ATP10B: variants seen among roughly 807,000 people sequenced by gnomAD.
ATP10B encodes the protein phospholipid-transporting ATPase VB.
A neutral mutation model predicts 141.2 loss-of-function variants in ATP10B; 122 were observed. That is an observed-to-expected ratio of 0.86 (90% CI 0.75 to 1.00). ATP10B has a LOEUF of 1.00. Among genes scored for constraint, ATP10B ranks in the 50% least tolerant of loss-of-function variants. ATP10B has a pLI of 0.00. For synonymous variants in ATP10B, 685 were observed against 692.0 expected (o/e 0.99, Z 0.16); for missense variants, 1,876 against 1,825.3 (o/e 1.03, Z -0.51).
At chr5:160,882,556 A>G in the ATP10B span, among the ~76,000 whole-genome samples, 3 of 152,104 alleles carry the variant, frequency 2.0e-5, no homozygotes, top group South Asian at 2.1e-4. Context: ...TGCTGAGATA[A>G]TAAGTGTGGC....
the ATP10B span, among the ~76,000 whole-genome samples, chr5:160,860,553 G>C: frequency 6.6e-6 from 1 of 151,892 alleles, no homozygotes; most frequent in Non-Finnish European, 1.5e-5. Context: ...AGAAGGTAAA[G>C]ATGAAACAAC....
chr5:160,661,881 T>C (rs917656421), intron 7 of ATP10B, among the ~76,000 whole-genome samples: 2 of 152,200 alleles, frequency 1.3e-5, no homozygotes, highest in Non-Finnish European at 2.9e-5. Flanking sequence ...GGTGACATGA[T>C]TGTATATCTA....
chr5:160,737,730 T>A (rs1460257692), intron 2 of ATP10B, among the ~76,000 whole-genome samples: 2 of 152,098 alleles, frequency 1.3e-5, no homozygotes, highest in Non-Finnish European at 2.9e-5. Context: ...AGAAGAGGCA[T>A]TTTATAATAT....
chr5:160,613,467 T>G (rs948906384), intron 17 of ATP10B, among the ~76,000 whole-genome samples: 4 of 152,196 alleles, frequency 2.6e-5, no homozygotes, highest in African/African-American at 9.6e-5. Flanking sequence ...TTCAAGGGTG[T>G]TGTGCTGGGG....
intron 2 of ATP10B, among the ~76,000 whole-genome samples, chr5:160,758,841 T>C (rs913527109): frequency 2.6e-5 from 4 of 152,176 alleles, no homozygotes; most frequent in African/African-American, 9.7e-5. Flanking sequence ...TCAGTAAACC[T>C]TGTGAATCAA....
chr5:160,654,866 C>A (rs887890529), intron 7 of ATP10B, among the ~76,000 whole-genome samples: 2 of 151,950 alleles, frequency 1.3e-5, no homozygotes, highest in African/African-American at 4.8e-5. Context: ...CATTATTATC[C>A]CGATTTCAGA....
chr5:160,818,248 C>T (rs1248478689), intron 1 of ATP10B, among the ~76,000 whole-genome samples: 1 of 152,216 alleles, frequency 6.6e-6, no homozygotes, highest in Non-Finnish European at 1.5e-5. Flanking sequence ...GCAATCTACT[C>T]ATCTGACAAG....
At chr5:160,817,940 A>T (rs1773789085) in intron 1 of ATP10B, among the ~76,000 whole-genome samples, 1 of 152,254 alleles carries the variant, frequency 6.6e-6, no homozygotes, top group Non-Finnish European at 1.5e-5. Flanking sequence ...GGAACTGGCT[A>T]GCCATATGTA....
chr5:160,693,461 T>C (rs1171050441), intron 3 of ATP10B, among the ~76,000 whole-genome samples: 2 of 118,918 alleles, frequency 1.7e-5, no homozygotes, highest in Middle Eastern at 4.0e-3. Flanking sequence ...CACACAGTGG[T>C]ATAGTCAGGG....
chr5:160,735,096 T>TA (rs749051676), intron 2 of ATP10B, among the ~76,000 whole-genome samples: 3,626 of 128,412 alleles, frequency 0.028, 102 homozygotes, highest in African/African-American at 0.087. Flanking sequence ...AAGAGAAGAT[T>TA]AAAAAAAAAA....
the ATP10B span, among the ~76,000 whole-genome samples, chr5:160,880,002 T>G: frequency 6.6e-6 from 1 of 151,770 alleles, no homozygotes; most frequent in African/African-American, 2.4e-5. Flanking sequence ...CATGTATATA[T>G]TAGTACTCCT....
chr5:160,701,070 T>C (rs144052848), intron 3 of ATP10B, among the ~76,000 whole-genome samples: 301 of 152,268 alleles, frequency 2.0e-3, no homozygotes, highest in Non-Finnish European at 3.4e-3. Flanking sequence ...GCCACTCTCA[T>C]CTCTAGCTGT....
chr5:160,822,391 G>T (rs1364372430), intron 1 of ATP10B, among the ~76,000 whole-genome samples: 1 of 152,094 alleles, frequency 6.6e-6, no homozygotes, highest in African/African-American at 2.4e-5. Context: ...GAAGAAAAGG[G>T]AACCCTTGTA....
intron 1 of ATP10B, among the ~76,000 whole-genome samples, chr5:160,812,020 C>CACACAGAGAG (rs1211580744): frequency 2.7e-5 from 3 of 111,528 alleles, no homozygotes; most frequent in East Asian, 6.7e-4. Context: ...GAGACAGAGA[C>CACACAGAGAG]AGAGAGAGAG....
At chr5:160,690,606 A>G (rs1238242339) in intron 3 of ATP10B, among the ~76,000 whole-genome samples, 2 of 152,188 alleles carry the variant, frequency 1.3e-5, no homozygotes, top group African/African-American at 4.8e-5. Flanking sequence ...TATGAAAAAA[A>G]GGTCATCATC....
chr5:160,782,448 C>CACACACACACAA (rs1482671704), intron 2 of ATP10B, among the ~76,000 whole-genome samples: 1 of 142,974 alleles, frequency 7.0e-6, no homozygotes, highest in Non-Finnish European at 1.6e-5. Context: ...TACACACACA[C>CACACACACACAA]ACACACACAC....
At chr5:160,733,811 A>C (rs1437109316) in intron 2 of ATP10B, among the ~76,000 whole-genome samples, 1 of 152,020 alleles carries the variant, frequency 6.6e-6, no homozygotes, top group Non-Finnish European at 1.5e-5. Context: ...AAAAATAATT[A>C]TTTAAGAATG....
Position 160,717,090 on chromosome 5 carries a change from C to G in ATP10B, c.-330-56G>C, listed in dbSNP as rs141368264. ...GCAACTAACAGTTCAGTTATAAATGCTATTTATATAAGGTTTAAAACAATG... is the reference window on the plus strand; with the variant it reads ...GCAACTAACAGTTCAGTTATAAATGGTATTTATATAAGGTTTAAAACAATG... On this transcript the variant is annotated intron_variant, in intron 2 of 25. Coordinates refer to ENST00000327245, the MANE Select transcript of ATP10B (RefSeq NM_025153.3). 7.9e-4 allele frequency: 753 copies of G among 958,498 alleles called. 5 individuals are homozygous for G. The African/African-American group carries it at 0.012, about 16-fold the overall frequency. 59.4% of individuals were successfully genotyped at this position (958,498 alleles called of 1,614,324 possible).
At chr5:160,807,761 T>C (rs1772882656) in intron 1 of ATP10B, among the ~76,000 whole-genome samples, 1 of 152,198 alleles carries the variant, frequency 6.6e-6, no homozygotes, top group Non-Finnish European at 1.5e-5. Context: ...TTAAATGTGA[T>C]AATGTTGAAT....
Sources: allele counts gnomAD v4.1 joint callset (sites outside exome capture counted in the v4.1 genomes callset), GRCh38; gene constraint gnomAD v4.1.1; transcripts MANE v1.5; gene names NCBI Gene and HGNC (gene_info 2026-07-23, HGNC 2026-07-21).